SIDT1: variants seen among roughly 807,000 people sequenced by gnomAD.
SIDT1 encodes the protein SID1 transmembrane family, member 1.
A neutral mutation model predicts 107.5 loss-of-function variants in SIDT1; 101 were observed. The ratio of observed to expected loss-of-function variants is 0.94; its 90% CI spans 0.80 to 1.11. The LOEUF is 1.11. SIDT1 is among the 50% of genes least tolerant of loss of function. SIDT1 has a pLI of 0.00. For missense variants in SIDT1, 1,076 were observed against 1,058.2 expected (o/e 1.02, Z -0.23); for synonymous variants, 395 against 398.2 (o/e 0.99, Z 0.10).
At chr3:113,570,420 A>G (rs989155054) in intron 3 of SIDT1, among the ~76,000 whole-genome samples, 1 of 151,876 alleles carries the variant, frequency 6.6e-6, no homozygotes, top group Non-Finnish European at 1.5e-5. Context: ...ACTTGGTGGT[A>G]GCATATTTGA....
chr3:113,596,234 C>T (rs990807648), intron 10 of SIDT1, among the ~76,000 whole-genome samples: 4 of 152,132 alleles, frequency 2.6e-5, no homozygotes, highest in Non-Finnish European at 5.9e-5. Context: ...AAGGCTTTCA[C>T]CTTAGACGTG....
At chr3:113,612,342 G>C (rs745583401) in intron 19 of SIDT1, 148 bp downstream of exon 19, 1 of 695,804 alleles carries the variant, frequency 1.4e-6, no homozygotes, top group Non-Finnish European at 2.6e-6. Flanking sequence ...GCACATATTC[G>C]CTCCAAGAGC....
At position 113,577,666 on chromosome 3, in the gene SIDT1, T is replaced by C. The variant is rs529351528; in HGVS notation, c.561+699T>C. Among the ~76,000 whole-genome samples the C allele has an allele frequency of 2.0e-4, 31 of 152,356 alleles. No homozygotes were observed. In the South Asian group the frequency reaches 6.4e-3, roughly 32 times the overall value. On this transcript the variant is annotated intron_variant, in intron 4 of 24. Transcript: ENST00000264852. ...TCATAAGCTTCTGAAGACAAAACTC[T>C]ATATAATAGCATGTTCGAAACAAGT... is the stretch of plus-strand genomic sequence containing the variant.
Position 113,628,015 on chromosome 3 carries a change from G to T in SIDT1, c.*307G>T. ...CATCCAAGTCAACTCACCATCTTGG[G>T]GTCCCTCCCACCCTCACGGAGACTT... On this transcript the variant is annotated 3_prime_UTR_variant, in exon 25 of 25. Transcript: ENST00000264852. 1 of 372,664 alleles carries T rather than the reference G, an allele frequency of 2.7e-6. No individual in the cohort carries two copies. Among genetic ancestry groups the T allele is most frequent in the South Asian group, 3.4e-5 (1 of 29,028 alleles). 23.1% of individuals were successfully genotyped at this position (372,664 alleles called of 1,614,324 possible). A position where few individuals can be genotyped will look rare whatever the true frequency, so the allele number is the denominator to read the frequency against.
chr3:113,616,784 G>A (rs940659785), intron 20 of SIDT1, among the ~76,000 whole-genome samples: 1 of 151,922 alleles, frequency 6.6e-6, no homozygotes, highest in African/African-American at 2.4e-5. Flanking sequence ...CACCTCCTGG[G>A]TTCAAGCAAT....
Position 113,592,990 on chromosome 3 carries a change from T to C in SIDT1, c.1002-15T>C. On this transcript the variant is annotated splice_polypyrimidine_tract_variant and intron_variant, in intron 9 of 24. Coordinates refer to ENST00000264852, the MANE Select transcript of SIDT1 (RefSeq NM_017699.3). ...TTTCACTGTCTTAGGAGCATGTGTA[T>C]GTGCTTGTTTGCAGGTTTCAGAGAA... 1.2e-6 allele frequency: 2 copies of C among 1,604,834 alleles called. No homozygotes were observed. The highest frequency in any genetic ancestry group is 1.7e-6 in the Non-Finnish European group (2 of 1,171,490).
Position 113,585,253 on chromosome 3 carries a change from G to C in SIDT1, c.984G>C (p.Gly328=), listed in dbSNP as rs371390092. The change falls in exon 9 of 25, where the codon GGG becomes GGC. Residue 328 remains glycine, a synonymous_variant. Transcript: ENST00000264852. ...TCTACTTGGGATGCCTTCTTGTTGG[G>C]TTTGTTCATTATCTGAGGTAGGTCA... ...LSFYLGCLLV[G]FVHYLRFQRK... 2 of 1,612,230 alleles carry C rather than the reference G, an allele frequency of 1.2e-6. No homozygotes were observed. The highest frequency in any genetic ancestry group is 3.3e-5 in the Admixed American group (2 of 59,924).
rs1264407114 is a variant in SIDT1 at position 113,604,003 on chromosome 3, T to C, written c.1307T>C (p.Ile436Thr). Residue 436 changes from isoleucine to threonine, a missense_variant, in exon 13 of 25, where the codon ATT becomes ACT. Transcript: ENST00000264852. ...LSDLSRKDRRIVSKKYKIYFW... is the reference protein window; with the variant it reads ...LSDLSRKDRRTVSKKYKIYFW... ...GATTTGTCCAGGAAGGACCGGAGAA[T>C]TGTCAGCAAAAAATATAAAATTTAT... 6.2e-7 allele frequency: 1 copy of C among 1,609,380 alleles called. No homozygotes were observed. Among genetic ancestry groups the C allele is most frequent in the Non-Finnish European group, 8.5e-7 (1 of 1,177,182 alleles).
chr3:113,539,261 T>A (rs1224886955), intron 1 of SIDT1, among the ~76,000 whole-genome samples: 1 of 152,220 alleles, frequency 6.6e-6, no homozygotes, highest in Non-Finnish European at 1.5e-5. Flanking sequence ...TCCATTACAG[T>A]TATTATCCTT....
intron 3 of SIDT1, among the ~76,000 whole-genome samples, chr3:113,573,590 A>T (rs937421312): frequency 1.3e-5 from 2 of 152,180 alleles, no homozygotes; most frequent in Non-Finnish European, 2.9e-5. Context: ...ATTCATATTG[A>T]AATCTCCACA....
At position 113,572,704 on chromosome 3, in the gene SIDT1, T is replaced by A. The variant is rs147069225; in HGVS notation, c.516-4218T>A. On this transcript the variant is annotated intron_variant, in intron 3 of 24. Coordinates refer to ENST00000264852, the MANE Select transcript of SIDT1 (RefSeq NM_017699.3). ...GTAAGGGAGAAAACGAGTCAAATAG[T>A]ACACATGGAGATAATTCATAATTCA... Among the ~76,000 whole-genome samples, 328 of 152,344 alleles carry A rather than the reference T, an allele frequency of 2.2e-3. 2 individuals carry two copies. Among genetic ancestry groups the A allele is most frequent in the African/African-American group, 7.6e-3 (314 of 41,566 alleles).
At chr3:113,619,492 T>G (rs546689327) in intron 20 of SIDT1, among the ~76,000 whole-genome samples, 188 bp from the exon 21 acceptor site, 1 of 152,352 alleles carries the variant, frequency 6.6e-6, no homozygotes, top group African/African-American at 2.4e-5. Flanking sequence ...CTATTTGCAG[T>G]TAAAAGCCTT....
chr3:113,624,799 T>C (rs7638449), intron 23 of SIDT1, among the ~76,000 whole-genome samples: 52,371 of 152,064 alleles, frequency 0.34, 9,017 homozygotes, highest in Non-Finnish European at 0.35. Flanking sequence ...ATTTGTCATT[T>C]TGTGCTTCAC....
rs530656854 is a variant in SIDT1, at chr3:113,618,059, A to C, written c.2044-1621A>C. On this transcript the variant is annotated intron_variant, in intron 20 of 24. Transcript: ENST00000264852. ...ATACAAGACAGTTCCACTGCCCTAA[A>C]AATCCTCTGGGCTCGGCCTATTCAT... is the stretch of plus-strand genomic sequence containing the variant. Among the ~76,000 whole-genome samples, 5 of 152,318 alleles carry C rather than the reference A, an allele frequency of 3.3e-5. No individual in the cohort carries two copies. The East Asian group carries it at 9.6e-4, about 29-fold the overall frequency.
rs1319418671 is a variant in SIDT1 at position 113,629,195 on chromosome 3, T to C, written c.*1487T>C. 1 of 152,260 alleles carries C rather than the reference T, an allele frequency of 6.6e-6. No homozygotes were observed. Among genetic ancestry groups the C allele is most frequent in the Non-Finnish European group, 1.5e-5 (1 of 68,044 alleles). 9.4% of individuals were successfully genotyped at this position (152,260 alleles called of 1,614,324 possible). ...GTGTTCAAAAACCCATTTTAGAAGT[T>C]TGAACAGCAAGCTTTTCCTGATTTT... is the stretch of plus-strand genomic sequence containing the variant. On this transcript the variant is annotated 3_prime_UTR_variant, in exon 25 of 25. Coordinates refer to ENST00000264852, the MANE Select transcript of SIDT1 (RefSeq NM_017699.3).
chr3:113,552,880 G>A (rs1323979564), intron 1 of SIDT1, among the ~76,000 whole-genome samples: 1 of 152,208 alleles, frequency 6.6e-6, no homozygotes, highest in Admixed American at 6.5e-5. Context: ...TGGGTTGGAG[G>A]AGGAGTAGTT....
chr3:113,578,179 G>C (rs1181985986), intron 4 of SIDT1, among the ~76,000 whole-genome samples: 1 of 152,134 alleles, frequency 6.6e-6, no homozygotes, highest in African/African-American at 2.4e-5. Flanking sequence ...AGTAGAAGGG[G>C]AATAGGCCGG....
chr3:113,599,760 T>G (rs988293564), intron 10 of SIDT1, among the ~76,000 whole-genome samples: 5 of 152,050 alleles, frequency 3.3e-5, no homozygotes, highest in African/African-American at 9.7e-5. Flanking sequence ...GAGCTGTAAG[T>G]CAAAAGGTAC....
At chr3:113,587,539 A>G (rs1943832966) in intron 9 of SIDT1, among the ~76,000 whole-genome samples, 2 of 152,202 alleles carry the variant, frequency 1.3e-5, no homozygotes, top group Admixed American at 1.3e-4. Flanking sequence ...ATGTTTGTTT[A>G]CAAACTCCTT....
Sources: allele counts gnomAD v4.1 joint callset (sites outside exome capture counted in the v4.1 genomes callset), GRCh38; gene constraint gnomAD v4.1.1; transcripts MANE v1.5; gene names NCBI Gene and HGNC (gene_info 2026-07-23, HGNC 2026-07-21).